Variants in IGSF11 observed in about 807,000 individuals in gnomAD.
IGSF11 encodes immunoglobulin superfamily member 11, also known as CXADR like 1.
IGSF11 carries 22 observed loss-of-function variants against 41.0 expected under a neutral mutation model. The ratio of observed to expected loss-of-function variants is 0.54; its 90% CI spans 0.38 to 0.77. The LOEUF is 0.77. Ranked by LOEUF, IGSF11 falls within the 30% of genes least tolerant of loss-of-function variation. The pLI, the probability that IGSF11 is intolerant of heterozygous loss-of-function variation, is 0.00. For missense variants in IGSF11, 444 were observed against 530.8 expected, an observed-to-expected ratio of 0.84 and a Z score of 1.61; for synonymous variants, 219 against 201.3, an observed-to-expected ratio of 1.09 and a Z score of -0.74.
intron 1 of IGSF11, among the ~76,000 whole-genome samples, chr3:119,068,849 C>T (rs1204053675): frequency 2.0e-5 from 3 of 149,180 alleles, no homozygotes. Context: ...AACTTACAGT[C>T]TTTCTTAAGT....
At chr3:119,143,289 G>A (rs967283362) in intron 1 of IGSF11, among the ~76,000 whole-genome samples, 4 of 152,156 alleles carry the variant, frequency 2.6e-5, no homozygotes, top group Non-Finnish European at 4.4e-5. Context: ...GGTACACACT[G>A]TATAAAGATG....
upstream of IGSF11, among the ~76,000 whole-genome samples, chr3:119,037,140 A>T (rs1012610592): frequency 2.6e-5 from 4 of 152,204 alleles, no homozygotes; most frequent in Admixed American, 2.0e-4. Flanking sequence ...TTTTATTAGT[A>T]ATGATGAGTT....
intron 1 of IGSF11, among the ~76,000 whole-genome samples, chr3:119,121,980 G>A (rs2077339478): frequency 6.6e-6 from 1 of 152,166 alleles, no homozygotes; most frequent in Non-Finnish European, 1.5e-5. Context: ...TAAAAATGAA[G>A]AAGCGAGGTG....
At chr3:119,065,621 C>T (rs1339722824) in intron 1 of IGSF11, among the ~76,000 whole-genome samples, 2 of 151,724 alleles carry the variant, frequency 1.3e-5, no homozygotes, top group Non-Finnish European at 1.5e-5. Flanking sequence ...GGTGAAACCC[C>T]GCCTGTACTA....
intron 1 of IGSF11, among the ~76,000 whole-genome samples, chr3:118,976,901 T>C (rs1215098568): frequency 4.6e-5 from 7 of 152,210 alleles, no homozygotes; most frequent in East Asian, 1.9e-4. Flanking sequence ...TTTTCAAAAA[T>C]AGTCATAAAT....
At chr3:119,144,833 A>T (rs999525466) in intron 1 of IGSF11, among the ~76,000 whole-genome samples, 1 of 152,116 alleles carries the variant, frequency 6.6e-6, no homozygotes, top group South Asian at 2.1e-4. Flanking sequence ...GTGTTTGGGA[A>T]TTTTTTTCTT....
intron 1 of IGSF11, among the ~76,000 whole-genome samples, chr3:119,069,603 T>A (rs1942340079): frequency 6.6e-6 from 1 of 152,144 alleles, no homozygotes; most frequent in Non-Finnish European, 1.5e-5. Flanking sequence ...GATAGAAAAC[T>A]GCTAGATATT....
At chr3:119,109,128 C>T (rs1450571562), upstream of IGSF11, among the ~76,000 whole-genome samples, 656 of 138,788 alleles carry the variant, frequency 4.7e-3, 13 homozygotes, top group African/African-American at 0.017. Context: ...AGGATTCCCT[C>T]TTTTTCTATT....
chr3:119,064,372 C>G (rs370720028), intron 1 of IGSF11, among the ~76,000 whole-genome samples: 92 of 151,938 alleles, frequency 6.1e-4, no homozygotes, highest in African/African-American at 2.1e-3. Context: ...GGGGGTTTTC[C>G]CTCTATTCTG....
intron 1 of IGSF11, among the ~76,000 whole-genome samples, chr3:119,001,351 T>C (rs569255662): frequency 6.6e-6 from 1 of 151,702 alleles, no homozygotes; most frequent in Non-Finnish European, 1.5e-5. Context: ...GGGAACTTCT[T>C]TTTGCTTGGC....
intron 1 of IGSF11, among the ~76,000 whole-genome samples, chr3:118,953,125 C>T (rs972408386): frequency 7.9e-5 from 12 of 152,032 alleles, no homozygotes; most frequent in Admixed American, 5.9e-4. Context: ...GCTTAGCTCC[C>T]GCCTGTGAGT....
intron 1 of IGSF11, among the ~76,000 whole-genome samples, chr3:119,051,776 A>G (rs1037668628): frequency 2.6e-5 from 4 of 152,230 alleles, no homozygotes; most frequent in African/African-American, 9.6e-5. Flanking sequence ...TATATCAAGT[A>G]TTCTCTCAGA....
chr3:119,097,463 C>T (rs2076872094), intron 1 of IGSF11, among the ~76,000 whole-genome samples: 1 of 148,276 alleles, frequency 6.7e-6, no homozygotes, highest in Non-Finnish European at 1.5e-5. Flanking sequence ...ACACATTTCA[C>T]TACTCCTCCA....
intron 1 of IGSF11, among the ~76,000 whole-genome samples, chr3:118,948,626 G>A (rs1559944505): frequency 6.6e-6 from 1 of 152,010 alleles, no homozygotes; most frequent in African/African-American, 2.4e-5. Context: ...TCAAACGCAG[G>A]GAATTTATCC....
intron 1 of IGSF11, chr3:118,983,404 T>A (rs957669427): frequency 6.6e-6 from 1 of 152,144 alleles, no homozygotes; most frequent in African/African-American, 2.4e-5. Flanking sequence ...GCTTCTCAAA[T>A]ATACAAGACA....
intron 1 of IGSF11, among the ~76,000 whole-genome samples, chr3:119,079,214 C>T (rs905442286): frequency 1.3e-5 from 2 of 151,966 alleles, no homozygotes; most frequent in African/African-American, 4.8e-5. Flanking sequence ...AAAAAATTAG[C>T]CGGGTGTGGT....
chr3:119,115,590 C>T (rs1302999439), intron 1 of IGSF11, among the ~76,000 whole-genome samples: 7 of 152,154 alleles, frequency 4.6e-5, no homozygotes, highest in Admixed American at 3.3e-4. Context: ...CCATTTTTAA[C>T]TGCATTATCA....
At chr3:119,049,981 C>A (rs1432516908) in intron 1 of IGSF11, among the ~76,000 whole-genome samples, 1 of 146,360 alleles carries the variant, frequency 6.8e-6, no homozygotes, top group Non-Finnish European at 1.5e-5. Context: ...TTCCTTACAC[C>A]TTATACAAAA....
At chr3:119,044,790 T>C (rs757363009) in intron 1 of IGSF11, among the ~76,000 whole-genome samples, 7 of 152,218 alleles carry the variant, frequency 4.6e-5, no homozygotes, top group Non-Finnish European at 8.8e-5. Context: ...TAGAATTTTG[T>C]ATCCAGCAAA....
Sources: gnomAD v4.1 joint callset for allele counts (sites outside exome capture counted in the v4.1 genomes callset) on GRCh38, gnomAD v4.1.1 for gene constraint, MANE v1.5 for transcripts, NCBI Gene and HGNC (gene_info 2026-07-23, HGNC 2026-07-21) for gene names.